GALNT13: variants seen among roughly 807,000 people sequenced by gnomAD.
GALNT13 encodes UDP-GalNAc:polypeptide N-acetylgalactosaminyltransferase 13.
A neutral mutation model predicts 64.2 loss-of-function variants in GALNT13; 28 were observed. That is an observed-to-expected ratio of 0.44 (90% confidence interval 0.32 to 0.60). The LOEUF (loss-of-function observed/expected upper bound fraction) is 0.60, where lower values mean the gene tolerates loss of function less well. Among genes scored for constraint, GALNT13 ranks in the 20% least tolerant of loss-of-function variants. The probability of loss-of-function intolerance (pLI) is 0.05; values close to 1 mark genes in which losing one functional copy is unlikely to be tolerated. For synonymous variants in GALNT13, 214 were observed against 224.6 expected (o/e 0.95, Z 0.42); for missense variants, 577 against 669.8 (o/e 0.86, Z 1.53).
chr2:154,456,078 T>C (rs1010882791), downstream of GALNT13, among the ~76,000 whole-genome samples: 1 of 152,056 alleles, frequency 6.6e-6, no homozygotes, highest in African/African-American at 2.4e-5. Context: ...TTGGTTCCAG[T>C]TGTGCTGAAA....
the GALNT13 span, among the ~76,000 whole-genome samples, chr2:153,727,356 T>G: frequency 5.9e-5 from 9 of 152,232 alleles, no homozygotes; most frequent in Non-Finnish European, 2.9e-5. Flanking sequence ...ATATTTCATT[T>G]TGTTAAGAGG....
At chr2:153,403,949 C>T in the GALNT13 span, among the ~76,000 whole-genome samples, 127 of 152,304 alleles carry the variant, frequency 8.3e-4, no homozygotes, top group Admixed American at 2.0e-3. Context: ...ATCTTGGCTC[C>T]TCCAGGTGAA....
chr2:153,881,989 T>C (rs1035308049), intron 1 of GALNT13, among the ~76,000 whole-genome samples: 1 of 152,186 alleles, frequency 6.6e-6, no homozygotes, highest in Non-Finnish European at 1.5e-5. Context: ...ATTTAGACTT[T>C]TTAAAGTATA....
chr2:154,226,125 A>T (rs1285544354), intron 4 of GALNT13, among the ~76,000 whole-genome samples: 1 of 152,114 alleles, frequency 6.6e-6, no homozygotes, highest in Non-Finnish European at 1.5e-5. Flanking sequence ...GGGGAGAATG[A>T]ATGAACAGAG....
chr2:153,670,590 G>T, the GALNT13 span, among the ~76,000 whole-genome samples: 1 of 152,198 alleles, frequency 6.6e-6, no homozygotes, highest in Non-Finnish European at 1.5e-5. Flanking sequence ...CGCAAAGATG[G>T]AGAGAAACCA....
At chr2:153,944,356 G>A in intron 2 of GALNT13, 38 bp from the exon 3 acceptor site, 1 of 656,608 alleles carries the variant, frequency 1.5e-6, no homozygotes, top group Non-Finnish European at 2.6e-6. Flanking sequence ...AAATCTATGT[G>A]TACAATTAAT....
chr2:153,302,178 C>A, the GALNT13 span, among the ~76,000 whole-genome samples: 1 of 152,148 alleles, frequency 6.6e-6, no homozygotes, highest in African/African-American at 2.4e-5. Flanking sequence ...AAAAAGTGTG[C>A]AACAGCTCTC....
At chr2:153,373,000 T>C in the GALNT13 span, among the ~76,000 whole-genome samples, 2,291 of 152,290 alleles carry the variant, frequency 0.015, 57 homozygotes, top group African/African-American at 0.052. Flanking sequence ...CATAAGACAG[T>C]AGAGATAAAT....
chr2:153,841,734 T>A, the GALNT13 span, among the ~76,000 whole-genome samples: 1 of 152,178 alleles, frequency 6.6e-6, no homozygotes, highest in Non-Finnish European at 1.5e-5. Flanking sequence ...AGCATCTGTA[T>A]TATGGTTTGA....
At chr2:153,363,139 G>C in the GALNT13 span, among the ~76,000 whole-genome samples, 1 of 151,998 alleles carries the variant, frequency 6.6e-6, no homozygotes, top group Non-Finnish European at 1.5e-5. Flanking sequence ...TGACTCCTGG[G>C]TAATAATGAA....
the GALNT13 span, among the ~76,000 whole-genome samples, chr2:153,133,337 T>C: frequency 6.6e-6 from 1 of 152,224 alleles, no homozygotes; most frequent in Non-Finnish European, 1.5e-5. Flanking sequence ...AAGGGGCCTA[T>C]GCACTGGGAG....
the GALNT13 span, among the ~76,000 whole-genome samples, chr2:153,136,756 C>G: frequency 6.6e-6 from 1 of 151,708 alleles, no homozygotes; most frequent in Non-Finnish European, 1.5e-5. Context: ...TGTTTCAAAT[C>G]CATTAAGTAC....
chr2:153,952,663 T>G (rs1231436152), intron 3 of GALNT13, among the ~76,000 whole-genome samples: 1 of 152,074 alleles, frequency 6.6e-6, no homozygotes, highest in Admixed American at 6.6e-5. Flanking sequence ...GATAGATGTA[T>G]ATATAAAGGG....
intron 4 of GALNT13, among the ~76,000 whole-genome samples, chr2:154,240,112 A>G (rs545814475): frequency 6.6e-6 from 1 of 152,270 alleles, no homozygotes; most frequent in African/African-American, 2.4e-5. Context: ...AAACCTTTTG[A>G]CATTTTTTAA....
chr2:153,952,331 C>T (rs1574191573), intron 3 of GALNT13, among the ~76,000 whole-genome samples: 1 of 152,144 alleles, frequency 6.6e-6, no homozygotes, highest in Non-Finnish European at 1.5e-5. Context: ...AGATTAATCT[C>T]TCTGGGCCTC....
At chr2:154,197,264 C>G (rs1183486100) in intron 4 of GALNT13, among the ~76,000 whole-genome samples, 1 of 152,048 alleles carries the variant, frequency 6.6e-6, no homozygotes, top group African/African-American at 2.4e-5. Context: ...AAGACATTTT[C>G]TTTAAGCCAA....
the GALNT13 span, among the ~76,000 whole-genome samples, chr2:153,473,250 G>T: frequency 9.2e-5 from 14 of 152,018 alleles, no homozygotes; most frequent in Non-Finnish European, 1.8e-4. Context: ...AGCTCTGTCT[G>T]GAGTATTTTA....
At chr2:154,126,405 G>A (rs948803869) in intron 3 of GALNT13, among the ~76,000 whole-genome samples, 1 of 152,060 alleles carries the variant, frequency 6.6e-6, no homozygotes, top group African/African-American at 2.4e-5. Flanking sequence ...GAAGGCCGAG[G>A]CGGGCAGATC....
At chr2:153,140,127 A>G in the GALNT13 span, among the ~76,000 whole-genome samples, 10 of 152,098 alleles carry the variant, frequency 6.6e-5, no homozygotes, top group African/African-American at 2.2e-4. Flanking sequence ...CCAGATTTGA[A>G]GTAAACAATA....
Sources: gnomAD v4.1 joint callset for allele counts (sites outside exome capture counted in the v4.1 genomes callset) on GRCh38, gnomAD v4.1.1 for gene constraint, MANE v1.5 for transcripts, NCBI Gene and HGNC (gene_info 2026-07-23, HGNC 2026-07-21) for gene names.